The following GSN variants were observed in gnomAD, a reference collection of about 807,000 sequenced individuals.
GSN encodes the protein actin-depolymerizing factor.
A neutral mutation model predicts 85.7 loss-of-function variants in GSN; 56 were observed. The observed-to-expected ratio is 0.65, with a 90% CI of 0.53 to 0.82. The LOEUF (loss-of-function observed/expected upper bound fraction) is 0.82. GSN is among the 40% of genes least tolerant of loss of function. The pLI is 0.00. For missense variants in GSN, 857 were observed against 979.8 expected, an observed-to-expected ratio of 0.87 and a Z score of 1.67; for synonymous variants, 373 against 399.1, an observed-to-expected ratio of 0.93 and a Z score of 0.78.
chr9:121,312,341 C>T lies in GSN; in HGVS notation c.516C>T (p.Asn172=), dbSNP rs766453194. Residue 172 remains asparagine, a splice_region_variant and synonymous_variant, in exon 6 of 18, where the codon AAC becomes AAT. Coordinates refer to ENST00000432226, the MANE Select transcript of GSN (RefSeq NM_198252.3). ...CTTCCTGGGTCTCTGTCTTCCAGAACATCCACCAGTGGTGTGGTTCCAACA... is the reference window on the plus strand; with the variant it reads ...CTTCCTGGGTCTCTGTCTTCCAGAATATCCACCAGTGGTGTGGTTCCAACA... ...GDCFILDLGN[N]IHQWCGSNSN... 6.2e-7 allele frequency: 1 copy of T among 1,614,106 alleles called. No individual in the cohort carries two copies. The highest frequency in any genetic ancestry group is 8.5e-7 in the Non-Finnish European group (1 of 1,179,968).
At position 121,261,754 on chromosome 9, in the gene GSN, C is replaced by G. The variant is rs895609394; in HGVS notation, c.-340-3400C>G. Among the ~76,000 whole-genome samples the G allele has an allele frequency of 3.9e-5, 6 of 152,212 alleles. No individual in the cohort carries two copies. Among genetic ancestry groups the G allele is most frequent in the Admixed American group, 6.5e-5 (1 of 15,280 alleles). On this transcript the variant is annotated intron_variant, in intron 6 of 24. Transcript: ENST00000373823. The surrounding 1 kb of genome is among the most constrained non-coding windows in gnomAD (Gnocchi z 4.1). The stretch of plus-strand genomic sequence containing the variant: ...CACCTTAAACACCTCCACGCCCGTA[C>G]CTAGGGGGTTCCCATGATGACACCA...
At chr9:121,234,159 G>A (rs967406390) in intron 5 of GSN, among the ~76,000 whole-genome samples, 1 of 122,956 alleles carries the variant, frequency 8.1e-6, no homozygotes, top group African/African-American at 2.5e-5. Context: ...GCCACCACAT[G>A]TGGCTTCTTC....
At position 121,328,202 on chromosome 9, in the gene GSN, G is replaced by A. The variant is rs78913737; in HGVS notation, c.1763-689G>A. On this transcript the variant is annotated intron_variant, in intron 14 of 17. Coordinates refer to ENST00000432226, the MANE Select transcript of GSN (RefSeq NM_198252.3). ...GGGCAGCTCTTCCTTCTGCCAGCCT[G>A]CAGTCTTTATACTGTTACTTTGAGT... Among the ~76,000 whole-genome samples, 415 of 152,306 alleles carry A rather than the reference G, an allele frequency of 2.7e-3. 1 individual carries two copies. Among genetic ancestry groups the A allele is most frequent in the African/African-American group, 9.6e-3 (400 of 41,564 alleles).
intron 1 of GSN, among the ~76,000 whole-genome samples, chr9:121,272,920 C>T (rs919037266): frequency 2.6e-5 from 4 of 152,170 alleles, no homozygotes; most frequent in Non-Finnish European, 5.9e-5. Context: ...GACGTGAGCT[C>T]CTTTGCCCAG....
At chr9:121,219,852 G>C (rs1285415681) in intron 4 of GSN, among the ~76,000 whole-genome samples, 2 of 151,680 alleles carry the variant, frequency 1.3e-5, no homozygotes, top group Non-Finnish European at 2.9e-5. Context: ...TCTCTCTTAA[G>C]TATACCTACA....
chr9:121,270,691 G>T (rs1189420321), intron 1 of GSN, among the ~76,000 whole-genome samples: 4 of 152,112 alleles, frequency 2.6e-5, no homozygotes, highest in African/African-American at 7.2e-5. Context: ...ACAATGGTGT[G>T]TGCACTCCTG....
At chr9:121,314,094 A>G (rs1203884306) in intron 7 of GSN, 71 bp downstream of exon 7, 1 of 1,182,374 alleles carries the variant, frequency 8.5e-7, no homozygotes, top group Non-Finnish European at 1.3e-6. Context: ...GGTCTTCCCC[A>G]CTCCACTGCT....
In GSN at chr9:121,270,430, A is replaced by G. The variant is rs927907995; in HGVS notation, c.-103+2211A>G. On this transcript the variant is annotated intron_variant, in intron 1 of 17. Coordinates refer to ENST00000432226, the MANE Select transcript of GSN (RefSeq NM_198252.3). ...CTGTTGCATGATTCAAGTGAAGTAG[A>G]TTGCAGGTCTGAACTAGAGCAGTGG... 1.5e-4 allele frequency among the ~76,000 whole-genome samples: 23 copies of G among 152,164 alleles called. 1 individual carries two copies. The highest frequency in any genetic ancestry group is 4.3e-4 in the African/African-American group (18 of 41,426).
intron 1 of GSN, among the ~76,000 whole-genome samples, chr9:121,274,214 A>G (rs1043773158): frequency 6.6e-6 from 1 of 152,240 alleles, no homozygotes; most frequent in African/African-American, 2.4e-5. Flanking sequence ...TGTTATTGTC[A>G]GTGGCTCTTT....
intron 2 of GSN, among the ~76,000 whole-genome samples, chr9:121,297,288 G>T (rs763111440): frequency 3.9e-5 from 6 of 152,028 alleles, no homozygotes; most frequent in Non-Finnish European, 8.8e-5. Context: ...GTATATTAAG[G>T]TATAATTTAC....
At chr9:121,214,125 C>G (rs909306284) in intron 4 of GSN, among the ~76,000 whole-genome samples, 12 of 152,360 alleles carry the variant, frequency 7.9e-5, no homozygotes, top group African/African-American at 2.9e-4. Flanking sequence ...AATGCCAGCT[C>G]AGGCACCTAG....
intron 5 of GSN, among the ~76,000 whole-genome samples, chr9:121,238,320 A>G (rs745915239): frequency 4.6e-5 from 7 of 152,204 alleles, no homozygotes; most frequent in Non-Finnish European, 1.0e-4. Flanking sequence ...TCAGCTGCCA[A>G]TGTGGCTGGG....
At chr9:121,263,649 G>A (rs1475495950), upstream of GSN, among the ~76,000 whole-genome samples, 1 of 152,072 alleles carries the variant, frequency 6.6e-6, no homozygotes, top group Non-Finnish European at 1.5e-5. Flanking sequence ...CCAGCACTTT[G>A]GTAGGCTGAG....
intron 2 of GSN, chr9:121,283,264 G>A (rs1303712898): frequency 6.0e-6 from 1 of 165,710 alleles, no homozygotes; most frequent in Non-Finnish European, 1.5e-5. Context: ...TTTTTAGTTA[G>A]GGCCCTGGTT....
chr9:121,273,468 T>C (rs544870261), intron 1 of GSN, among the ~76,000 whole-genome samples: 1 of 152,046 alleles, frequency 6.6e-6, no homozygotes, highest in African/African-American at 2.4e-5. Context: ...AAGGACCTTT[T>C]CCCCCCACCC....
chr9:121,279,412 G>T (rs1420723205), intron 1 of GSN, among the ~76,000 whole-genome samples: 1 of 152,148 alleles, frequency 6.6e-6, no homozygotes, highest in East Asian at 1.9e-4. Flanking sequence ...GATCAGTTAG[G>T]AAGGTTCTGC....
chr9:121,318,720 A>G lies in GSN; in HGVS notation c.1031A>G (p.Asn344Ser), dbSNP rs1476420188. 4 of 1,613,968 alleles carry G rather than the reference A, an allele frequency of 2.5e-6. No homozygotes were observed. The highest frequency in any genetic ancestry group is 1.1e-5 in the South Asian group (1 of 91,072). The change falls in exon 10 of 18, where the codon AAC becomes AGC. Residue 344 changes from asparagine to serine, a missense_variant. Coordinates refer to ENST00000432226, the MANE Select transcript of GSN (RefSeq NM_198252.3). This position sits in a 1 kb window ranked among gnomAD's most constrained non-coding sequence, Gnocchi z 4.3. ...CCACTGTTCAAGCAGTTCTTCAAGA[A>G]CTGGCGGGACCCAGACCAGACAGAT... ...ETPLFKQFFK[N>S]WRDPDQTDGL...
At chr9:121,251,460 G>T (rs1240070801) in intron 6 of GSN, among the ~76,000 whole-genome samples, 1 of 151,746 alleles carries the variant, frequency 6.6e-6, no homozygotes, top group African/African-American at 2.4e-5. Context: ...GCCTCCCAAA[G>T]TGCTAGGATT....
Position 121,328,884 on chromosome 9 carries a change from C to G in GSN, c.1763-7C>G, listed in dbSNP as rs181442771. ...CCCTTGGCAACTGGCGTGGCCTCCC[C>G]TCACAGATGGCTTCTGGGAGGCCCT... On this transcript the variant is annotated splice_region_variant and splice_polypyrimidine_tract_variant and intron_variant, in intron 14 of 17. Transcript: ENST00000432226. 6.3e-5 allele frequency: 102 copies of G among 1,610,554 alleles called. No homozygotes were observed. The highest frequency in any genetic ancestry group is 8.3e-5 in the Non-Finnish European group (98 of 1,179,936).
Sources: gnomAD v4.1 joint callset for allele counts (sites outside exome capture counted in the v4.1 genomes callset) on GRCh38, gnomAD v4.1.1 for gene constraint, Gnocchi (gnomAD v3.1) non-coding constraint, MANE v1.5 for transcripts, NCBI Gene and HGNC (gene_info 2026-07-23, HGNC 2026-07-21) for gene names.